Variants in PSG1 observed in about 807,000 individuals in gnomAD.
PSG1 encodes the protein pregnancy-specific beta-1-glycoprotein 1.
Under a neutral mutation model 41.4 loss-of-function variants are expected in PSG1, and 60 were observed. The observed-to-expected ratio is 1.45, with a 90% CI of 1.18 to 1.80. The LOEUF (loss-of-function observed/expected upper bound fraction) is 1.80, where lower values mean the gene tolerates loss of function less well. PSG1 is among the 40% of genes most tolerant of loss of function. The pLI is 0.00. For missense variants in PSG1, 806 were observed against 516.9 expected (o/e 1.56, Z -5.42); for synonymous variants, 256 against 192.9 (o/e 1.33, Z -2.71).
In PSG1 at chr19:42,868,168, A is replaced by T; in HGVS notation, c.1176T>A (p.Tyr392Ter). ...RHITTKHSGL[Y>*]VCSVRNSATG... ...TGGCTGAGTTACGAACAGAGCAAAC[A>T]TAGAGCCCGCTATGCTTTGTAGTAA... Residue 392 changes from tyrosine (Y) to a stop codon, truncating the protein, a stop_gained, in exon 5 of 6, where the codon TAT becomes TAA. Coordinates refer to ENST00000436291, the MANE Select transcript of PSG1 (RefSeq NM_001184825.2). LOFTEE classifies it high-confidence loss of function. The T allele has an allele frequency of 5.6e-6, 9 of 1,612,454 alleles. No homozygotes were observed. Among genetic ancestry groups the T allele is most frequent in the Non-Finnish European group, 6.8e-6 (8 of 1,179,114 alleles).
intron 2 of PSG1, among the ~76,000 whole-genome samples, chr19:42,873,896 C>A (rs1240321158): frequency 2.0e-5 from 3 of 151,624 alleles, no homozygotes; most frequent in Non-Finnish European, 4.4e-5. Context: ...CTCTTAAGCT[C>A]AGGAAACACC....
intron 2 of PSG1, among the ~76,000 whole-genome samples, chr19:42,876,326 A>C (rs1971604631): frequency 6.6e-6 from 1 of 151,316 alleles, no homozygotes; most frequent in African/African-American, 2.4e-5. Flanking sequence ...AGGACCAAGG[A>C]GCCCTCGAGA....
intron 3 of PSG1, 41 bp downstream of exon 3, chr19:42,871,726 G>T: frequency 6.2e-7 from 1 of 1,612,586 alleles, no homozygotes; most frequent in Non-Finnish European, 8.5e-7. Context: ...ACGTGTATTT[G>T]GGATGGCAGC....
rs752298839 is a variant in PSG1 at position 42,868,210 on chromosome 19, C to T, written c.1134G>A (p.Lys378=). ...TTGTAGTAATATGGCGGATAAAGAG[C>T]TTTTGTCCTGGTAGCTGAAACTTTT... The part of the protein sequence containing the change: ...INEKFQLPGQ[K]LFIRHITTKH... Residue 378 remains lysine (K), a synonymous_variant, in exon 5 of 6, where the codon AAG becomes AAA. Coordinates refer to ENST00000436291, the MANE Select transcript of PSG1 (RefSeq NM_001184825.2). 6 of 1,612,340 alleles carry T rather than the reference C, an allele frequency of 3.7e-6. No individual in the cohort carries two copies. Among genetic ancestry groups the T allele is most frequent in the Non-Finnish European group, 5.1e-6 (6 of 1,179,106 alleles).
rs1196892935 is a variant in PSG1 at position 42,875,044 on chromosome 19, C to T, written c.430+2869G>A. Among the ~76,000 whole-genome samples, 3 of 151,654 alleles carry T rather than the reference C, an allele frequency of 2.0e-5. 1 individual carries two copies. Among genetic ancestry groups the T allele is most frequent in the Non-Finnish European group, 4.4e-5 (3 of 67,920 alleles). The stretch of plus-strand genomic sequence containing the variant: ...GCTGGAGTCACAGGTGAAATGAGCC[C>T]ATGGGGTTTGGGGACAGCAGGCCTG... On this transcript the variant is annotated intron_variant, in intron 2 of 5. Coordinates refer to ENST00000436291, the MANE Select transcript of PSG1 (RefSeq NM_001184825.2).
chr19:42,874,811 T>C (rs1013880628), intron 2 of PSG1, among the ~76,000 whole-genome samples: 1 of 149,934 alleles, frequency 6.7e-6, no homozygotes, highest in Non-Finnish European at 1.5e-5. Context: ...GATGGCGTCA[T>C]GAGTGAGGAT....
At chr19:42,869,102 T>C in intron 3 of PSG1, 68 bp from the exon 4 acceptor site, 1 of 1,588,196 alleles carries the variant, frequency 6.3e-7, no homozygotes, top group South Asian at 1.1e-5. Context: ...TATCCTTCAA[T>C]CAGAGTTGGC....
intron 2 of PSG1, among the ~76,000 whole-genome samples, chr19:42,873,202 T>C (rs1568421958): frequency 2.0e-5 from 3 of 151,790 alleles, no homozygotes; most frequent in African/African-American, 2.4e-5. Context: ...AAGTGCTCCT[T>C]ATGCAGAAAG....
In PSG1 at chr19:42,868,277, G is replaced by A. The variant is rs146772581; in HGVS notation, c.1067C>T (p.Ala356Val). The A allele has an allele frequency of 3.4e-4, 553 of 1,612,242 alleles. 10 individuals carry two copies. The highest frequency in any genetic ancestry group is 7.5e-4 in the African/African-American group (56 of 74,714). Residue 356 changes from alanine to valine, a missense_variant, in exon 5 of 6, where the codon GCG becomes GTG. Transcript: ENST00000436291. ...SGEVLYLSCS[A>V]DSNPPAQYSW... ...ATACTGTGCCGGTGGGTTAGAGTCC[G>A]CAGAACAGGACAAGTAGAGGACTTC...
chr19:42,875,828 T>A lies in PSG1; in HGVS notation c.430+2085A>T, dbSNP rs899257135. ...TTTTATTTTATTTATTTATTTGTTT[T>A]TTTTTTTTTTTGTGCAGGAGGCCAG... On this transcript the variant is annotated intron_variant, in intron 2 of 5. Coordinates refer to ENST00000436291, the MANE Select transcript of PSG1 (RefSeq NM_001184825.2). Among the ~76,000 whole-genome samples the A allele has an allele frequency of 1.0e-4, 15 of 146,938 alleles. 1 individual carries two copies. Among genetic ancestry groups the A allele is most frequent in the Non-Finnish European group, 1.5e-4 (10 of 66,636 alleles).
intron 5 of PSG1, 157 bp downstream of exon 5, chr19:42,867,944 T>G: frequency 6.4e-7 from 1 of 1,560,662 alleles, no homozygotes; most frequent in Non-Finnish European, 8.6e-7. Flanking sequence ...GTTTTCGAAG[T>G]TCTTAGACAA....
chr19:42,874,634 C>A (rs374423372), intron 2 of PSG1, among the ~76,000 whole-genome samples: 1 of 151,936 alleles, frequency 6.6e-6, no homozygotes, highest in African/African-American at 2.4e-5. Flanking sequence ...AGCCACTGTG[C>A]GCAGCCGTCT....
rs569795645 is a variant in PSG1, at chr19:42,869,356, C to T, written c.710-322G>A. The T allele has an allele frequency of 5.2e-5, 24 of 461,224 alleles. 1 individual carries two copies. Among genetic ancestry groups the T allele is most frequent in the East Asian group, 2.3e-4 (6 of 25,752 alleles). The allele number at this position is 461,224 out of a possible 1,614,324, so 28.6% of individuals were successfully genotyped here. A position where few individuals can be genotyped will look rare whatever the true frequency, so the allele number is the denominator to read the frequency against. On this transcript the variant is annotated intron_variant, in intron 3 of 5. Coordinates refer to ENST00000436291, the MANE Select transcript of PSG1 (RefSeq NM_001184825.2). ...TCCCTAATCAGTTGACTGGCTGGCT[C>T]ACCTTGGGTTCCTTACCTGGAATAT... is the stretch of plus-strand genomic sequence containing the variant.
At chr19:42,872,110 C>G in intron 2 of PSG1, 65 bp from the exon 3 acceptor site, 3 of 1,560,000 alleles carry the variant, frequency 1.9e-6, no homozygotes, top group Admixed American at 1.9e-5. Flanking sequence ...AGGCATTTTT[C>G]AATCAGAATT....
At position 42,878,277 on chromosome 19, in the gene PSG1, T is replaced by C. The variant is rs766015907; in HGVS notation, c.66A>G (p.Ala22=). The C allele has an allele frequency of 1.0e-5, 16 of 1,603,388 alleles. 1 individual carries two copies. In the East Asian group the frequency reaches 2.0e-4, roughly 20 times the overall value. ...RIKWKGLLLT[A]SLLNFWNLPT... ...GCAGGTTCCAGAAGTTTAAAAGTGATGCTAGGAGGTGGAGAGAACATCAGT... is the reference window on the plus strand; with the variant it reads ...GCAGGTTCCAGAAGTTTAAAAGTGACGCTAGGAGGTGGAGAGAACATCAGT... Residue 22 remains alanine (A), a splice_region_variant and synonymous_variant, in exon 2 of 6, where the codon GCA becomes GCG. Coordinates refer to ENST00000436291, the MANE Select transcript of PSG1 (RefSeq NM_001184825.2).
Position 42,868,406 on chromosome 19 carries a change from T to C in PSG1, c.989-51A>G, listed in dbSNP as rs375692228. On this transcript the variant is annotated intron_variant, in intron 4 of 5. Coordinates refer to ENST00000436291, the MANE Select transcript of PSG1 (RefSeq NM_001184825.2). ...GGTGATGTCATCTGAGGGAAGGGGATGTTCCTGGTCTCTTAAAGGGACACA... is the reference window on the plus strand; with the variant it reads ...GGTGATGTCATCTGAGGGAAGGGGACGTTCCTGGTCTCTTAAAGGGACACA... The C allele has an allele frequency of 6.7e-4, 1,045 of 1,554,730 alleles. 24 individuals carry two copies. In the African/African-American group the frequency reaches 0.013, roughly 19 times the overall value.
rs966226015 is a variant in PSG1 at position 42,873,680 on chromosome 19, G to A, written c.431-1635C>T. On this transcript the variant is annotated intron_variant, in intron 2 of 5. Coordinates refer to ENST00000436291, the MANE Select transcript of PSG1 (RefSeq NM_001184825.2). ...TGCCAAAGGTGATTTGAAATTAGCA[G>A]CTCCTTAAGTAGAGAGAGTCCCATT... Among the ~76,000 whole-genome samples, 14 of 151,752 alleles carry A rather than the reference G, an allele frequency of 9.2e-5. No homozygotes were observed. The East Asian group carries it at 1.4e-3, about 15-fold the overall frequency.
chr19:42,874,975 C>G (rs776954261), intron 2 of PSG1, among the ~76,000 whole-genome samples: 3 of 151,744 alleles, frequency 2.0e-5, no homozygotes, highest in Non-Finnish European at 4.4e-5. Context: ...AGCCAGAAGT[C>G]TATAGGAAGT....
chr19:42,877,250 C>G (rs1250710252), intron 2 of PSG1, among the ~76,000 whole-genome samples: 3 of 151,644 alleles, frequency 2.0e-5, no homozygotes, highest in Admixed American at 6.6e-5. Context: ...TTTCTATGGA[C>G]TATCCTAAGC....
Sources: allele counts gnomAD v4.1 joint callset (sites outside exome capture counted in the v4.1 genomes callset), GRCh38; gene constraint gnomAD v4.1.1; transcripts MANE v1.5; gene names NCBI Gene and HGNC (gene_info 2026-07-23, HGNC 2026-07-21).